The following GTF2E1 variants were observed in gnomAD, a reference collection of about 807,000 sequenced individuals.
GTF2E1 encodes the protein TFIIE alpha subunit.
GTF2E1 carries 14 observed loss-of-function variants against 34.9 expected under a neutral mutation model. The observed-to-expected ratio is 0.40, with a 90% CI of 0.27 to 0.63. GTF2E1 has a LOEUF of 0.63. GTF2E1 is among the 20% of genes least tolerant of loss of function. The pLI is 0.39. For missense variants in GTF2E1, 469 were observed against 557.7 expected (o/e 0.84, Z 1.60); for synonymous variants, 188 against 192.9 (o/e 0.97, Z 0.21).
intron 1 of GTF2E1, among the ~76,000 whole-genome samples, chr3:120,749,028 T>G (rs964450502): frequency 2.0e-5 from 3 of 152,200 alleles, no homozygotes; most frequent in African/African-American, 7.2e-5. Context: ...GAATGGGAGT[T>G]CACTCATGAT....
chr3:120,772,291 A>T (rs1048535348), intron 3 of GTF2E1, among the ~76,000 whole-genome samples: 1 of 152,282 alleles, frequency 6.6e-6, no homozygotes, highest in African/African-American at 2.4e-5. Context: ...AGGAAATGAG[A>T]TCACATGACT....
At chr3:120,761,719 A>T (rs1709265186) in intron 2 of GTF2E1, among the ~76,000 whole-genome samples, 1 of 149,856 alleles carries the variant, frequency 6.7e-6, no homozygotes, top group Admixed American at 6.6e-5. Flanking sequence ...GTTTCCATGT[A>T]GTTGTGCGTT....
At chr3:120,774,083 G>A in intron 3 of GTF2E1, among the ~76,000 whole-genome samples, 1 of 152,182 alleles carries the variant, frequency 6.6e-6, no homozygotes, top group East Asian at 1.9e-4. Flanking sequence ...TAACCTCAGA[G>A]TGAGTGAGTC....
At chr3:120,757,937 C>T (rs1226932367) in intron 2 of GTF2E1, among the ~76,000 whole-genome samples, 2 of 152,072 alleles carry the variant, frequency 1.3e-5, no homozygotes, top group African/African-American at 2.4e-5. Context: ...CCGAGGTGGG[C>T]GGATCACTTG....
chr3:120,753,573 C>T (rs539550339), intron 2 of GTF2E1, among the ~76,000 whole-genome samples: 1 of 152,122 alleles, frequency 6.6e-6, no homozygotes, highest in Non-Finnish European at 1.5e-5. Flanking sequence ...ACTGTTTTCC[C>T]TGACAAAAGG....
chr3:120,771,587 A>G (rs1265965328), intron 3 of GTF2E1, among the ~76,000 whole-genome samples: 1 of 152,078 alleles, frequency 6.6e-6, no homozygotes, highest in Admixed American at 6.6e-5. Context: ...TCTTCCCAGC[A>G]TCAAGTAAGG....
intron 3 of GTF2E1, 125 bp from the exon 4 acceptor site, chr3:120,776,298 G>A (rs1709398554): frequency 1.2e-6 from 1 of 810,638 alleles, no homozygotes; most frequent in Admixed American, 2.3e-5. Flanking sequence ...TAAAGCATGT[G>A]TGCATGATTG....
At position 120,755,414 on chromosome 3, in the gene GTF2E1, A is replaced by T. The variant is rs149575129; in HGVS notation, c.448+4414A>T. On this transcript the variant is annotated intron_variant, in intron 2 of 4. Coordinates refer to ENST00000283875, the MANE Select transcript of GTF2E1 (RefSeq NM_005513.3). ...AGACTTGATTAAAGAGTTTGCCTTC[A>T]TAGGGCAGGCTGCTTTTTCCTGTCT... 6.3e-4 allele frequency among the ~76,000 whole-genome samples: 96 copies of T among 152,326 alleles called. 1 individual carries two copies. In the East Asian group the frequency reaches 0.012, roughly 18 times the overall value.
intron 2 of GTF2E1, 112 bp downstream of exon 2, chr3:120,751,112 G>C (rs1015370951): frequency 1.8e-5 from 12 of 685,294 alleles, no homozygotes; most frequent in Middle Eastern, 3.8e-4. Context: ...AAAGTGAATG[G>C]ATCAGTGTAA....
intron 3 of GTF2E1, among the ~76,000 whole-genome samples, chr3:120,772,922 A>G (rs1383264588): frequency 2.0e-5 from 3 of 152,162 alleles, no homozygotes; most frequent in Non-Finnish European, 2.9e-5. Context: ...CCAGAGGCCC[A>G]ACAGCAGCTC....
chr3:120,752,038 A>G (rs1709168650), intron 2 of GTF2E1, among the ~76,000 whole-genome samples: 1 of 152,224 alleles, frequency 6.6e-6, no homozygotes, highest in African/African-American at 2.4e-5. Flanking sequence ...AGTGGGAAAT[A>G]ACCCCAATAT....
intron 2 of GTF2E1, among the ~76,000 whole-genome samples, chr3:120,752,411 G>A (rs1709171518): frequency 6.6e-6 from 1 of 152,174 alleles, no homozygotes; most frequent in African/African-American, 2.4e-5. Flanking sequence ...ACAGATGTTG[G>A]TTTTAACAGT....
intron 4 of GTF2E1, among the ~76,000 whole-genome samples, chr3:120,779,746 C>A (rs1365771387): frequency 6.6e-6 from 1 of 152,202 alleles, no homozygotes; most frequent in African/African-American, 2.4e-5. Flanking sequence ...TTCACTTAAT[C>A]CCCACAGTAA....
At chr3:120,780,896 A>G in intron 4 of GTF2E1, 147 bp from the exon 5 acceptor site, 1 of 592,326 alleles carries the variant, frequency 1.7e-6, no homozygotes, top group East Asian at 2.8e-5. Context: ...TATTTTGAAT[A>G]TTTTATGGAT....
chr3:120,781,256 C>T lies in GTF2E1; in HGVS notation c.1106C>T (p.Pro369Leu), dbSNP rs74885108. The T allele has an allele frequency of 1.4e-3, 2,256 of 1,614,048 alleles. 30 individuals are homozygous for T. The African/African-American group carries it at 0.027, about 19-fold the overall frequency. Residue 369 changes from proline to leucine, a missense_variant, in exon 5 of 5, where the codon CCG becomes CTG. Physicochemically the swap from Pro to Leu is moderately conservative, Grantham distance 98. Coordinates refer to ENST00000283875, the MANE Select transcript of GTF2E1 (RefSeq NM_005513.3). ...TCAGATGATGATTCTCCACCCCGTC[C>T]GGCAGCTGTGGCTGTGCATAAACGA... ...SESDDDSPPR[P>L]AAVAVHKREE...
chr3:120,781,196 C>T lies in GTF2E1; in HGVS notation c.1046C>T (p.Ala349Val). The change falls in exon 5 of 5, where the codon GCC becomes GTC. Residue 349 changes from alanine (A) to valine (V), a missense_variant. Coordinates refer to ENST00000283875, the MANE Select transcript of GTF2E1 (RefSeq NM_005513.3). ...SVGAAAPVTA[A>V]NGSDSESETS... ...GGGGCAGCTGCTCCAGTGACCGCTG[C>T]CAATGGCAGTGACTCAGAAAGCGAG... The T allele has an allele frequency of 1.2e-6, 2 of 1,614,130 alleles. No homozygotes were observed. Among genetic ancestry groups the T allele is most frequent in the Non-Finnish European group, 1.7e-6 (2 of 1,180,010 alleles).
At chr3:120,777,706 CCTT>C (rs1310034047) in intron 4 of GTF2E1, among the ~76,000 whole-genome samples, 5 of 152,310 alleles carry the variant, frequency 3.3e-5, no homozygotes, top group Non-Finnish European at 7.4e-5. Context: ...ACTTTACCCT[CCTT>C]CTTCCTCACT....
intron 2 of GTF2E1, among the ~76,000 whole-genome samples, chr3:120,757,215 C>T (rs1366297947): frequency 6.6e-6 from 1 of 152,122 alleles, no homozygotes; most frequent in African/African-American, 2.4e-5. Flanking sequence ...GCCCTTCTTC[C>T]CCCACATTGT....
Position 120,781,407 on chromosome 3 carries a change from A to G in GTF2E1, c.1257A>G (p.Thr419=), listed in dbSNP as rs1256315288. Reference sequence around the variant, plus strand: ...GGCCAGAGCTAGTGGCCCAGATGACACCAGAAGAAAAGGAAGCATATATAG... The same window carrying G: ...GGCCAGAGCTAGTGGCCCAGATGACGCCAGAAGAAAAGGAAGCATATATAG... The part of the protein sequence containing the change: ...SQRPELVAQM[T]PEEKEAYIAM... The change falls in exon 5 of 5, where the codon ACA becomes ACG. Residue 419 remains threonine (T), a synonymous_variant. Coordinates refer to ENST00000283875, the MANE Select transcript of GTF2E1 (RefSeq NM_005513.3). 1 of 1,614,172 alleles carries G rather than the reference A, an allele frequency of 6.2e-7. No homozygotes were observed. Among genetic ancestry groups the G allele is most frequent in the Non-Finnish European group, 8.5e-7 (1 of 1,180,002 alleles).
Sources: allele counts gnomAD v4.1 joint callset (sites outside exome capture counted in the v4.1 genomes callset), GRCh38; gene constraint gnomAD v4.1.1; transcripts MANE v1.5; gene names NCBI Gene and HGNC (gene_info 2026-07-23, HGNC 2026-07-21).